ZNF536: variants seen among roughly 807,000 people sequenced by gnomAD.
ZNF536 encodes zinc finger protein 536.
In ZNF536, 13 loss-of-function variants were observed where a neutral mutation model predicts 84.5. The ratio of observed to expected loss-of-function variants is 0.15; its 90% CI spans 0.10 to 0.24. ZNF536 has a LOEUF of 0.24. ZNF536 is among the 10% of genes least tolerant of loss of function. The pLI, the probability that ZNF536 is intolerant of heterozygous loss-of-function variation, is 1.00. For synonymous variants in ZNF536, 811 were observed against 742.5 expected, an observed-to-expected ratio of 1.09 and a Z score of -1.50; for missense variants, 1,536 against 1,747.5, an observed-to-expected ratio of 0.88 and a Z score of 2.16.
chr19:30,300,828 G>A lies in ZNF536; in HGVS notation c.-120+16687G>A, dbSNP rs554338662. 4.0e-5 allele frequency among the ~76,000 whole-genome samples: 6 copies of A among 151,794 alleles called. No individual in the cohort carries two copies. The East Asian group carries it at 9.9e-4, about 25-fold the overall frequency. ...GAGCCTGGCGAGGGCTGGACCCAGCGCTTATAGTACTCTTCGACGCCTGAG... is the reference window on the plus strand; with the variant it reads ...GAGCCTGGCGAGGGCTGGACCCAGCACTTATAGTACTCTTCGACGCCTGAG... On this transcript the variant is annotated intron_variant, in intron 2 of 5. Coordinates refer to the ZNF536 transcript ENST00000585628.
At chr19:30,443,491 C>G (rs994177455) in intron 1 of ZNF536, 70 bp from the exon 2 acceptor site, 1 of 1,481,902 alleles carries the variant, frequency 6.7e-7, no homozygotes, top group African/African-American at 1.4e-5. Context: ...ATTCCCTGCC[C>G]GCCAATGCTG....
chr19:30,274,177 G>A (rs1243072606), intron 1 of ZNF536, among the ~76,000 whole-genome samples: 2 of 152,194 alleles, frequency 1.3e-5, no homozygotes, highest in Non-Finnish European at 2.9e-5. Flanking sequence ...GGGGACCAAC[G>A]TTTCAAGTGA....
intron 2 of ZNF536, among the ~76,000 whole-genome samples, chr19:30,294,871 G>T (rs1052329678): frequency 6.6e-6 from 1 of 152,188 alleles, no homozygotes; most frequent in Non-Finnish European, 1.5e-5. Context: ...GATGGAGGCT[G>T]CATAGGTGTG....
At chr19:30,366,394 A>ATCTATCTG (rs2048432711) in intron 3 of ZNF536, among the ~76,000 whole-genome samples, 1 of 149,910 alleles carries the variant, frequency 6.7e-6, no homozygotes, top group Non-Finnish European at 1.5e-5. Flanking sequence ...CTATCTATCT[A>ATCTATCTG]TCTATATCTA....
chr19:30,291,371 A>G (rs1206725588), intron 2 of ZNF536, among the ~76,000 whole-genome samples: 1 of 152,164 alleles, frequency 6.6e-6, no homozygotes, highest in Non-Finnish European at 1.5e-5. Context: ...CTTTTTAATG[A>G]TCGCCATTCT....
chr19:30,539,298 A>G (rs1163604169), intron 3 of ZNF536, among the ~76,000 whole-genome samples: 1 of 152,096 alleles, frequency 6.6e-6, no homozygotes, highest in Non-Finnish European at 1.5e-5. Flanking sequence ...TCCCAGCTGA[A>G]AGACAGCCAG....
At chr19:30,624,273 T>C (rs1218007965) in intron 1 of ZNF536, among the ~76,000 whole-genome samples, 3 of 152,168 alleles carry the variant, frequency 2.0e-5, no homozygotes, top group African/African-American at 7.2e-5. Flanking sequence ...CAGGGTCATC[T>C]ATGAAAGCTT....
In ZNF536 at chr19:30,365,202, C is replaced by T. The variant is rs117212364; in HGVS notation, c.-3+12718C>T. On this transcript the variant is annotated intron_variant, in intron 3 of 5. Transcript: ENST00000585628. ...AATTTTTCTTCCTGAAAAGGACTTGCGCCAGCATTTGGTCTTTAGATAGGC... is the reference window on the plus strand; with the variant it reads ...AATTTTTCTTCCTGAAAAGGACTTGTGCCAGCATTTGGTCTTTAGATAGGC... Among the ~76,000 whole-genome samples the T allele has an allele frequency of 9.9e-3, 1,500 of 152,270 alleles. 11 individuals are homozygous for T. The highest frequency in any genetic ancestry group is 0.015 in the Non-Finnish European group (1,002 of 68,018).
chr19:30,690,480 T>C (rs1215087847), intron 1 of ZNF536, among the ~76,000 whole-genome samples: 3 of 152,240 alleles, frequency 2.0e-5, no homozygotes, highest in Non-Finnish European at 2.9e-5. Context: ...ATGTGTCTAT[T>C]TTGAGACTCA....
At chr19:30,404,431 C>G (rs1168549076) in intron 1 of ZNF536, among the ~76,000 whole-genome samples, 1 of 152,212 alleles carries the variant, frequency 6.6e-6, no homozygotes. Context: ...TGGAGACAGG[C>G]AGTCTGGGGT....
At chr19:30,307,267 G>A (rs377535736) in intron 2 of ZNF536, among the ~76,000 whole-genome samples, 7 of 150,196 alleles carry the variant, frequency 4.7e-5, no homozygotes, top group South Asian at 2.1e-4. Context: ...TGATTGATAT[G>A]TGAAATATTG....
intron 1 of ZNF536, among the ~76,000 whole-genome samples, chr19:30,602,195 C>T (rs999155103): frequency 2.6e-5 from 4 of 152,230 alleles, no homozygotes; most frequent in African/African-American, 4.8e-5. Flanking sequence ...TTCACATCTG[C>T]TCATGTGATG....
At chr19:30,264,658 C>A (rs1329029980) in intron 1 of ZNF536, among the ~76,000 whole-genome samples, 4 of 151,978 alleles carry the variant, frequency 2.6e-5, no homozygotes, top group Admixed American at 2.6e-4. Flanking sequence ...GACAGACAGA[C>A]ACACACACAC....
At chr19:30,231,219 G>A (rs1242803426) in intron 1 of ZNF536, among the ~76,000 whole-genome samples, 1 of 152,220 alleles carries the variant, frequency 6.6e-6, no homozygotes, top group Non-Finnish European at 1.5e-5. Context: ...AAGGAGAGAA[G>A]CCTCTTCCAT....
At chr19:30,636,803 G>T (rs901073580) in intron 1 of ZNF536, among the ~76,000 whole-genome samples, 1 of 152,160 alleles carries the variant, frequency 6.6e-6, no homozygotes, top group Non-Finnish European at 1.5e-5. Flanking sequence ...AGCCTGTTGC[G>T]GGCCTGGGGA....
At chr19:30,561,311 T>G (rs1453032046), downstream of ZNF536, among the ~76,000 whole-genome samples, 1 of 152,218 alleles carries the variant, frequency 6.6e-6, no homozygotes, top group African/African-American at 2.4e-5. Flanking sequence ...CTCCAAGGTG[T>G]GCCCTGCACC....
chr19:30,317,354 C>G (rs903718673), intron 2 of ZNF536, among the ~76,000 whole-genome samples: 1 of 152,204 alleles, frequency 6.6e-6, no homozygotes, highest in Non-Finnish European at 1.5e-5. Flanking sequence ...CAAGCCACCC[C>G]CCAGGCATTA....
chr19:30,229,417 T>G (rs2022844635), intron 1 of ZNF536, among the ~76,000 whole-genome samples: 2 of 152,202 alleles, frequency 1.3e-5, no homozygotes, highest in Non-Finnish European at 2.9e-5. Context: ...ATTGAAAATA[T>G]GTAATATTAT....
intron 1 of ZNF536, among the ~76,000 whole-genome samples, chr19:30,246,449 T>C (rs1271214284): frequency 6.6e-6 from 1 of 152,214 alleles, no homozygotes; most frequent in Non-Finnish European, 1.5e-5. Context: ...ATTTCTTTAC[T>C]AGTTAAATAG....
Sources: allele counts gnomAD v4.1 joint callset (sites outside exome capture counted in the v4.1 genomes callset), GRCh38; gene constraint gnomAD v4.1.1; transcripts MANE v1.5; gene names NCBI Gene and HGNC (gene_info 2026-07-23, HGNC 2026-07-21).